The following PDCD2 variants were observed in gnomAD, a reference collection of about 807,000 sequenced individuals.
PDCD2 encodes programmed cell death 2, also known as uS5 assembly chaperone PDCD2.
Under a neutral mutation model 38.1 loss-of-function variants are expected in PDCD2, and 38 were observed. That is an observed-to-expected ratio of 1.00 (90% CI 0.77 to 1.31). The LOEUF (loss-of-function observed/expected upper bound fraction) is 1.31. PDCD2 is among the 50% of genes most tolerant of loss of function. PDCD2 has a pLI of 0.00. For synonymous variants in PDCD2, 205 were observed against 168.9 expected, an observed-to-expected ratio of 1.21 and a Z score of -1.66; for missense variants, 473 against 435.7, an observed-to-expected ratio of 1.09 and a Z score of -0.76.
At position 170,583,745 on chromosome 6, in the gene PDCD2, A is replaced by G. The variant is rs749064967; in HGVS notation, c.286T>C (p.Phe96Leu). The change falls in exon 2 of 6, where the codon TTT (phenylalanine) becomes CTT (leucine). Residue 96 changes from phenylalanine (F) to leucine (L), a missense_variant and splice_region_variant. Physicochemically the swap from Phe to Leu is conservative, Grantham distance 22. Coordinates refer to ENST00000541970, the MANE Select transcript of PDCD2 (RefSeq NM_002598.4). ...EQPCCAGLRV[F>L]RNQLPRKNDF... ...TTTTTCCTGGGTAGTTGATTCCTAA[A>G]AACTAAAAAAGAATACAGAGAAAAG... 1.2e-6 allele frequency: 2 copies of G among 1,605,942 alleles called. No individual in the cohort carries two copies. The highest frequency in any genetic ancestry group is 1.7e-6 in the Non-Finnish European group (2 of 1,174,224).
At chr6:170,578,510 C>G (rs1021145361) in intron 5 of PDCD2, 7 of 654,996 alleles carry the variant, frequency 1.1e-5, no homozygotes, top group Non-Finnish European at 1.9e-5. Flanking sequence ...ACTTTAATTA[C>G]TAGAACAAGA....
chr6:170,583,941 T>G (rs1779716418), intron 1 of PDCD2, 194 bp from the exon 2 acceptor site: 1 of 598,092 alleles, frequency 1.7e-6, no homozygotes, highest in Admixed American at 3.1e-5. Context: ...TAGAGGTGGT[T>G]TGAGTTAATC....
chr6:170,577,117 G>A lies in PDCD2; in HGVS notation c.*442C>T, dbSNP rs927987213. The A allele has an allele frequency of 6.5e-6, 1 of 153,806 alleles. No homozygotes were observed. The highest frequency in any genetic ancestry group is 1.4e-5 in the Non-Finnish European group (1 of 69,100). The allele number at this position is 153,806 out of a possible 1,614,324, so 9.5% of individuals were successfully genotyped here. ...GGGTGGGAAATGCTCAGAGTGAGAT[G>A]GTTTGACTTCATTAGGCATATAACC... On this transcript the variant is annotated 3_prime_UTR_variant, in exon 6 of 6. Transcript: ENST00000541970.
At chr6:170,581,929 C>A in intron 3 of PDCD2, 1 of 430,346 alleles carries the variant, frequency 2.3e-6, no homozygotes, top group Non-Finnish European at 4.0e-6. Context: ...TTAAAACTTA[C>A]TTTACTCCAT....
At chr6:170,582,562 G>A in intron 3 of PDCD2, 1 of 1,304,896 alleles carries the variant, frequency 7.7e-7, no homozygotes, top group Non-Finnish European at 9.9e-7. Flanking sequence ...TTTATATAAG[G>A]TAAGTGCTGG....
At chr6:170,582,416 C>T in intron 3 of PDCD2, 1 of 1,460,154 alleles carries the variant, frequency 6.8e-7, no homozygotes, top group Non-Finnish European at 9.0e-7. Flanking sequence ...GCTCAAGGCT[C>T]AAATTGTAAA....
chr6:170,579,423 A>G (rs1046612119), intron 4 of PDCD2: 5 of 158,008 alleles, frequency 3.2e-5, no homozygotes, highest in African/African-American at 1.2e-4. Context: ...AGCTTCCTAC[A>G]GCAACTGAGT....
Position 170,575,897 on chromosome 6 carries a change from G to C in PDCD2, c.*1662C>G, listed in dbSNP as rs963383300. 1 of 152,186 alleles carries C rather than the reference G, an allele frequency of 6.6e-6. No individual in the cohort carries two copies. The highest frequency in any genetic ancestry group is 2.4e-5 in the African/African-American group (1 of 41,434). 9.4% of individuals were successfully genotyped at this position (152,186 alleles called of 1,614,324 possible). ...TTTACCATAGAAAGATCGTTAACAT[G>C]TTTGCTTTAAAAGTCATTAGCAGTC... On this transcript the variant is annotated 3_prime_UTR_variant, in exon 6 of 6. Coordinates refer to ENST00000541970, the MANE Select transcript of PDCD2 (RefSeq NM_002598.4).
rs745536645 is a variant in PDCD2 at position 170,584,370 on chromosome 6, C to A, written c.212G>T (p.Arg71Leu). 2.7e-6 allele frequency: 4 copies of A among 1,493,640 alleles called. No individual in the cohort carries two copies. In the Admixed American group the frequency reaches 8.7e-5, roughly 32 times the overall value. 92.5% of individuals were successfully genotyped at this position (1,493,640 alleles called of 1,614,324 possible). The change falls in exon 1 of 6, where the codon CGC becomes CTC. Residue 71 changes from arginine to leucine, a missense_variant. Coordinates refer to ENST00000541970, the MANE Select transcript of PDCD2 (RefSeq NM_002598.4). ...GATGCAGCGGTGGAAGGCGTCCGGG[C>A]GGCCAGGCAGCGGCGCATACACCTG... ...LLQVYAPLPG[R>L]PDAFHRCIFL...
chr6:170,578,480 CATAAA>C (rs1779505999), intron 5 of PDCD2: 2 of 611,336 alleles, frequency 3.3e-6, no homozygotes, highest in South Asian at 2.0e-5. Flanking sequence ...AGACTCCTCT[CATAAA>C]GTATATAGTC....
rs187959900 is a variant in PDCD2, at chr6:170,576,941, G to A, written c.*618C>T. 1.3e-5 allele frequency: 2 copies of A among 152,326 alleles called. No homozygotes were observed. Among genetic ancestry groups the A allele is most frequent in the East Asian group, 1.9e-4 (1 of 5,180 alleles). The allele number at this position is 152,326 out of a possible 1,614,324, so 9.4% of individuals were successfully genotyped here. A position where few individuals can be genotyped will look rare whatever the true frequency, so the allele number is the denominator to read the frequency against. On this transcript the variant is annotated 3_prime_UTR_variant, in exon 6 of 6. Coordinates refer to ENST00000541970, the MANE Select transcript of PDCD2 (RefSeq NM_002598.4). ...GATACTGCTGCTTCAGAATTACTGG[G>A]TTTCCTGTTCATCATACTCACCAAC... is the stretch of plus-strand genomic sequence containing the variant.
chr6:170,582,085 T>C, intron 3 of PDCD2: 10 of 1,517,336 alleles, frequency 6.6e-6, no homozygotes, highest in Admixed American at 2.0e-5. Flanking sequence ...GTTTATCGTA[T>C]AGGCATGAAC....
chr6:170,584,444 G>A lies in PDCD2; in HGVS notation c.138C>T (p.Pro46=), dbSNP rs749923770. The A allele has an allele frequency of 3.2e-5, 42 of 1,330,124 alleles. 3 individuals carry two copies. In the South Asian group the frequency reaches 7.5e-4, roughly 24 times the overall value. 82.4% of individuals were successfully genotyped at this position (1,330,124 alleles called of 1,614,324 possible). The change falls in exon 1 of 6, where the codon CCC becomes CCT. Residue 46 remains proline (P), a synonymous_variant. Transcript: ENST00000541970. ...CGCACAGCTCGCAGGCCAGGGCCTG[G>A]GGCCCCGGCAGCCCGGCCGCGCCCA... The part of the protein sequence containing the change: ...AWLGAAGLPG[P]QALACELCGR...
Position 170,583,604 on chromosome 6 carries a change from G to T in PDCD2, c.427C>A (p.Pro143Thr). Residue 143 changes from proline (P) to threonine (T), a missense_variant, in exon 2 of 6, where the codon CCC becomes ACC. Coordinates refer to ENST00000541970, the MANE Select transcript of PDCD2 (RefSeq NM_002598.4). ...TTGTGGCATCTGGAGCACGTTTTGG[G>T]GCCTAAACAGCCACAAACCCTGCAG... ...HLCRVCGCLG[P>T]KTCSRCHKAY... 1 of 1,613,804 alleles carries T rather than the reference G, an allele frequency of 6.2e-7. No homozygotes were observed. Among genetic ancestry groups the T allele is most frequent in the African/African-American group, 1.3e-5 (1 of 74,978 alleles).
chr6:170,584,148 C>G, intron 1 of PDCD2, 151 bp downstream of exon 1: 1 of 845,644 alleles, frequency 1.2e-6, no homozygotes, highest in Non-Finnish European at 1.6e-6. Flanking sequence ...TGGAAGGGCC[C>G]GGGAGAAGGT....
intron 3 of PDCD2, chr6:170,582,709 G>A: frequency 8.2e-7 from 1 of 1,219,398 alleles, no homozygotes; most frequent in South Asian, 2.2e-5. Context: ...AACTTTTAAG[G>A]GGCCCTTCTG....
chr6:170,583,680 G>C lies in PDCD2; in HGVS notation c.351C>G (p.Pro117=). 1 of 1,613,922 alleles carries C rather than the reference G, an allele frequency of 6.2e-7. No individual in the cohort carries two copies. The highest frequency in any genetic ancestry group is 8.5e-7 in the Non-Finnish European group (1 of 1,179,862). The change falls in exon 2 of 6, where the codon CCC becomes CCG. Residue 117 remains proline, a synonymous_variant. Coordinates refer to ENST00000541970, the MANE Select transcript of PDCD2 (RefSeq NM_002598.4). ...GACACACTGATTCTCCTGTTTCTGG[G>C]GGAGGATTCTCAGAAGGTGGCTCAT... is the stretch of plus-strand genomic sequence containing the variant. ...YSYEPPSENP[P]PETGESVCLQ...
At chr6:170,584,206 G>A (rs1779727735) in intron 1 of PDCD2, 93 bp downstream of exon 1, 3 of 1,238,234 alleles carry the variant, frequency 2.4e-6, no homozygotes, top group Non-Finnish European at 2.0e-6. Flanking sequence ...GGGCGGCAGC[G>A]GTGCTTGCCG....
rs1250480794 is a variant in PDCD2 at position 170,577,225 on chromosome 6, T to C, written c.*334A>G. On this transcript the variant is annotated 3_prime_UTR_variant, in exon 6 of 6. Coordinates refer to ENST00000541970, the MANE Select transcript of PDCD2 (RefSeq NM_002598.4). ...CACCATTCGTTGGTAACCAGTTCAC[T>C]AAGTGTACATCTTTGCAGATTTCTG... The C allele has an allele frequency of 5.5e-6, 1 of 180,734 alleles. No homozygotes were observed. Among genetic ancestry groups the C allele is most frequent in the Non-Finnish European group, 1.2e-5 (1 of 86,270 alleles). 11.2% of individuals were successfully genotyped at this position (180,734 alleles called of 1,614,324 possible).
Sources: gnomAD v4.1 joint callset for allele counts on GRCh38, gnomAD v4.1.1 for gene constraint, MANE v1.5 for transcripts, NCBI Gene and HGNC (gene_info 2026-07-23, HGNC 2026-07-21) for gene names.